SLC9A9: variants seen among roughly 807,000 people sequenced by gnomAD.
SLC9A9 encodes the protein sodium/hydrogen exchanger 9.
SLC9A9 carries 62 observed loss-of-function variants against 77.8 expected under a neutral mutation model. The ratio of observed to expected loss-of-function variants is 0.80; its 90% CI spans 0.65 to 0.98. The LOEUF (loss-of-function observed/expected upper bound fraction) is 0.98, where lower values mean the gene tolerates loss of function less well. Among genes scored for constraint, SLC9A9 ranks in the 50% least tolerant of loss-of-function variants. The pLI, the probability that SLC9A9 is intolerant of heterozygous loss-of-function variation, is 0.00. For missense variants in SLC9A9, 775 were observed against 774.9 expected, an observed-to-expected ratio of 1.00 and a Z score of 0.00; for synonymous variants, 320 against 283.5, an observed-to-expected ratio of 1.13 and a Z score of -1.29.
In SLC9A9 at chr3:143,809,859, A is replaced by G. The variant is rs567249326; in HGVS notation, c.379-12956T>C. 4.6e-4 allele frequency among the ~76,000 whole-genome samples: 70 copies of G among 152,330 alleles called. No individual in the cohort carries two copies. The South Asian group carries it at 0.012, about 26-fold the overall frequency. ...GTAGCTAGTGCAACTGAGGGACTGA[A>G]TTTTTAATTTTAACACTGGTAGCTA... On this transcript the variant is annotated intron_variant, in intron 2 of 15. Transcript: ENST00000316549.
At chr3:143,727,472 C>T (rs953647145) in intron 4 of SLC9A9, among the ~76,000 whole-genome samples, 1 of 152,196 alleles carries the variant, frequency 6.6e-6, no homozygotes, top group Non-Finnish European at 1.5e-5. Context: ...TTCAATATAT[C>T]CCTATCCATG....
chr3:143,615,398 G>C (rs1391482911), intron 6 of SLC9A9, among the ~76,000 whole-genome samples: 2 of 152,160 alleles, frequency 1.3e-5, no homozygotes, highest in Admixed American at 1.3e-4. Context: ...CTCTAAGAAT[G>C]GTCCACAGAT....
At chr3:143,605,555 T>G (rs886292520) in intron 6 of SLC9A9, among the ~76,000 whole-genome samples, 2 of 152,228 alleles carry the variant, frequency 1.3e-5, no homozygotes, top group Admixed American at 6.5e-5. Context: ...AATTTTTAAA[T>G]GTTGGCATCG....
intron 14 of SLC9A9, among the ~76,000 whole-genome samples, chr3:143,283,328 A>G (rs1233306677): frequency 6.6e-6 from 1 of 152,200 alleles, no homozygotes; most frequent in Non-Finnish European, 1.5e-5. Context: ...CTGGAAGGAA[A>G]GGTGGGAAAA....
intron 6 of SLC9A9, among the ~76,000 whole-genome samples, chr3:143,637,342 G>A (rs539010997): frequency 6.6e-6 from 1 of 152,272 alleles, no homozygotes; most frequent in East Asian, 1.9e-4. Flanking sequence ...ACAAAATACA[G>A]TTGAAAGCTT....
In SLC9A9 at chr3:143,750,176, T is replaced by A. The variant is rs565567924; in HGVS notation, c.533+44825A>T. ...AGTTAAAAGTGGCCCTAAATTCCCG[T>A]GGAAGAGGAAGACAATGCACCAAAA... is the stretch of plus-strand genomic sequence containing the variant. On this transcript the variant is annotated intron_variant, in intron 4 of 15. Transcript: ENST00000316549. Among the ~76,000 whole-genome samples, 190 of 152,286 alleles carry A rather than the reference T, an allele frequency of 1.2e-3. 1 individual carries two copies. Among genetic ancestry groups the A allele is most frequent in the Non-Finnish European group, 2.1e-3 (140 of 68,010 alleles).
At chr3:143,573,403 G>T (rs2037302003) in intron 8 of SLC9A9, among the ~76,000 whole-genome samples, 1 of 152,096 alleles carries the variant, frequency 6.6e-6, no homozygotes, top group Non-Finnish European at 1.5e-5. Flanking sequence ...CTTCTGCATG[G>T]AAAAGCACCC....
chr3:143,567,770 T>C (rs527773795), intron 8 of SLC9A9, among the ~76,000 whole-genome samples: 533 of 152,290 alleles, frequency 3.5e-3, no homozygotes, highest in Non-Finnish European at 5.6e-3. Flanking sequence ...ATGAGCAAGC[T>C]GCTTACACTG....
intron 4 of SLC9A9, among the ~76,000 whole-genome samples, chr3:143,743,478 C>G (rs60468477): frequency 0.089 from 13,565 of 152,188 alleles, 780 homozygotes; most frequent in African/African-American, 0.16. Flanking sequence ...GTAAGTCCTG[C>G]AGTCCAAGGG....
intron 3 of SLC9A9, among the ~76,000 whole-genome samples, chr3:143,795,935 A>G (rs1032466835): frequency 2.0e-5 from 3 of 149,608 alleles, no homozygotes; most frequent in Non-Finnish European, 3.0e-5. Context: ...ACCTGACAGC[A>G]AGAGGGAGCC....
intron 2 of SLC9A9, among the ~76,000 whole-genome samples, chr3:143,814,961 A>G (rs1250512540): frequency 6.7e-6 from 1 of 149,218 alleles, no homozygotes; most frequent in Non-Finnish European, 1.5e-5. Context: ...CAGGCTGAGC[A>G]GTGGCTTTTT....
chr3:143,362,333 A>G (rs1410739567), intron 14 of SLC9A9, among the ~76,000 whole-genome samples: 2 of 152,082 alleles, frequency 1.3e-5, no homozygotes, highest in African/African-American at 2.4e-5. Context: ...CCACATCACC[A>G]TTTCATAATT....
At chr3:143,520,312 T>C (rs1170019847) in intron 9 of SLC9A9, among the ~76,000 whole-genome samples, 1 of 152,158 alleles carries the variant, frequency 6.6e-6, no homozygotes, top group African/African-American at 2.4e-5. Context: ...GAGATTAGTG[T>C]CCTAATAAGA....
chr3:143,658,237 A>G (rs560920866), intron 5 of SLC9A9, among the ~76,000 whole-genome samples: 23 of 152,370 alleles, frequency 1.5e-4, no homozygotes, highest in Middle Eastern at 3.4e-3. Flanking sequence ...TAATTGCAAA[A>G]GGTTTTGATA....
chr3:143,287,963 T>G (rs1051343615), intron 14 of SLC9A9, among the ~76,000 whole-genome samples: 1 of 152,184 alleles, frequency 6.6e-6, no homozygotes, highest in African/African-American at 2.4e-5. Flanking sequence ...AAAAAAAGTC[T>G]TCCTGGAAAA....
Position 143,763,258 on chromosome 3 carries a change from G to A in SLC9A9, c.533+31743C>T, listed in dbSNP as rs1457912439. 2.0e-5 allele frequency among the ~76,000 whole-genome samples: 3 copies of A among 152,020 alleles called. No homozygotes were observed. The East Asian group carries it at 5.8e-4, about 29-fold the overall frequency. On this transcript the variant is annotated intron_variant, in intron 4 of 15. Transcript: ENST00000316549. ...CATGCATGAGAGTCAACCCACAATGGCATTCAAATATCTGTCAGTAATTAT... is the reference window on the plus strand; with the variant it reads ...CATGCATGAGAGTCAACCCACAATGACATTCAAATATCTGTCAGTAATTAT...
intron 4 of SLC9A9, among the ~76,000 whole-genome samples, chr3:143,738,093 G>T (rs16854227): frequency 0.12 from 17,597 of 152,164 alleles, 1,492 homozygotes; most frequent in African/African-American, 0.24. Context: ...TGTTACCACT[G>T]ATATGCTGCA....
At chr3:143,328,687 A>G (rs887158952) in intron 14 of SLC9A9, among the ~76,000 whole-genome samples, 2 of 152,146 alleles carry the variant, frequency 1.3e-5, no homozygotes, top group Non-Finnish European at 2.9e-5. Flanking sequence ...CAGCCTTCAC[A>G]TGTTGTACAC....
chr3:143,713,779 C>T lies in SLC9A9; in HGVS notation c.534-20472G>A, dbSNP rs116037455. Reference sequence around the variant, plus strand: ...GAGGGAGCAAATTTGGGAAATAAAACGAGATAACTTTTAAGGTGATTTCAA... The same window carrying T: ...GAGGGAGCAAATTTGGGAAATAAAATGAGATAACTTTTAAGGTGATTTCAA... On this transcript the variant is annotated intron_variant, in intron 4 of 15. Coordinates refer to ENST00000316549, the MANE Select transcript of SLC9A9 (RefSeq NM_173653.4). 5.0e-3 allele frequency among the ~76,000 whole-genome samples: 758 copies of T among 152,090 alleles called. 3 individuals are homozygous for T. The highest frequency in any genetic ancestry group is 8.4e-3 in the Non-Finnish European group (573 of 67,970).
Sources: allele counts gnomAD v4.1 joint callset (sites outside exome capture counted in the v4.1 genomes callset), GRCh38; gene constraint gnomAD v4.1.1; transcripts MANE v1.5; gene names NCBI Gene and HGNC (gene_info 2026-07-23, HGNC 2026-07-21).